GSG1L: variants seen among roughly 807,000 people sequenced by gnomAD.
GSG1L encodes germ cell-specific gene 1-like protein.
Under a neutral mutation model 42.1 loss-of-function variants are expected in GSG1L, and 24 were observed. The ratio of observed to expected loss-of-function variants is 0.57; its 90% CI spans 0.41 to 0.80. The LOEUF is 0.80. Ranked by LOEUF, GSG1L falls within the 30% of genes least tolerant of loss-of-function variation. GSG1L has a pLI of 0.00. For synonymous variants in GSG1L, 215 were observed against 203.5 expected (o/e 1.06, Z -0.48); for missense variants, 445 against 472.2 (o/e 0.94, Z 0.53).
At chr16:27,971,508 C>G (rs958501936) in intron 1 of GSG1L, among the ~76,000 whole-genome samples, 3 of 152,160 alleles carry the variant, frequency 2.0e-5, no homozygotes, top group Non-Finnish European at 4.4e-5. Context: ...AAACTGCAAT[C>G]TTGCTGAACT....
chr16:27,948,918 T>TATTATTATTATTATTATTATTA (rs1567531566), intron 2 of GSG1L, among the ~76,000 whole-genome samples: 1 of 148,798 alleles, frequency 6.7e-6, no homozygotes, highest in Non-Finnish European at 1.5e-5. Context: ...CTATTATTAT[T>TATTATTATTATTATTATTATTA]ATTATTATTA....
intron 3 of GSG1L, among the ~76,000 whole-genome samples, chr16:27,879,290 A>C (rs868469427): frequency 6.6e-6 from 1 of 152,208 alleles, no homozygotes; most frequent in Admixed American, 6.5e-5. Context: ...AGAACTCCTC[A>C]CGGATACTAA....
At chr16:27,867,644 T>A in intron 3 of GSG1L, among the ~76,000 whole-genome samples, 1 of 152,208 alleles carries the variant, frequency 6.6e-6, no homozygotes, top group Non-Finnish European at 1.5e-5. Context: ...TCGGTTTCCC[T>A]GCTGGGTTCC....
At chr16:27,879,821 A>G (rs1010766022) in intron 3 of GSG1L, among the ~76,000 whole-genome samples, 9 of 149,364 alleles carry the variant, frequency 6.0e-5, no homozygotes, top group Admixed American at 6.0e-4. Flanking sequence ...TTTATGTATT[A>G]TTTTTATTGT....
intron 1 of GSG1L, among the ~76,000 whole-genome samples, chr16:28,051,190 G>T (rs186436022): frequency 2.0e-4 from 31 of 152,324 alleles, no homozygotes; most frequent in Admixed American, 1.8e-3. Flanking sequence ...TTTGGTTGGA[G>T]TGGGCATTTT....
chr16:27,944,167 C>G (rs188352308), intron 2 of GSG1L, among the ~76,000 whole-genome samples: 22 of 152,170 alleles, frequency 1.4e-4, no homozygotes, highest in African/African-American at 4.8e-4. Context: ...AAAGTTTTTG[C>G]CTTACAATAA....
chr16:27,829,858 A>C (rs2083256150), intron 4 of GSG1L, among the ~76,000 whole-genome samples: 1 of 152,204 alleles, frequency 6.6e-6, no homozygotes. Flanking sequence ...TATTATCATT[A>C]ATATTAACAT....
rs754488566 is a variant in GSG1L, at chr16:27,971,661, T to TA, written c.350-8459dup. On this transcript the variant is annotated intron_variant, in intron 1 of 6. Coordinates refer to ENST00000447459, the MANE Select transcript of GSG1L (RefSeq NM_001109763.2). ...CTTTTTCTTGCCTAATTGCTTTGGCTAAAATGTCCAATATAATATTAAATA... is the reference window on the plus strand; with the variant it reads ...CTTTTTCTTGCCTAATTGCTTTGGCTAAAAATGTCCAATATAATATTAAATA... Among the ~76,000 whole-genome samples the TA allele has an allele frequency of 2.0e-5, 3 of 152,186 alleles. No individual in the cohort carries two copies. In the South Asian group the frequency reaches 6.2e-4, roughly 32 times the overall value.
intron 2 of GSG1L, among the ~76,000 whole-genome samples, chr16:27,959,331 G>A (rs1296522573): frequency 5.3e-5 from 8 of 151,308 alleles, no homozygotes; most frequent in African/African-American, 1.9e-4. Flanking sequence ...AGCCGGGCAT[G>A]GTGGCGTGCG....
chr16:27,883,386 G>A (rs2083985770), intron 3 of GSG1L, among the ~76,000 whole-genome samples: 1 of 152,148 alleles, frequency 6.6e-6, no homozygotes, highest in African/African-American at 2.4e-5. Flanking sequence ...TGTGTGTTGT[G>A]ACAATTGTTC....
intron 3 of GSG1L, among the ~76,000 whole-genome samples, chr16:27,851,195 CTGTT>C (rs2083510720): frequency 6.6e-6 from 1 of 152,224 alleles, no homozygotes; most frequent in South Asian, 2.1e-4. Context: ...CAAGTTTTGT[CTGTT>C]TGTTTTTTGT....
chr16:27,829,617 G>T (rs994108433), intron 4 of GSG1L, among the ~76,000 whole-genome samples: 2 of 152,170 alleles, frequency 1.3e-5, no homozygotes, highest in Non-Finnish European at 2.9e-5. Context: ...TGCGATCATA[G>T]CTTACTGCAG....
At chr16:27,969,604 TA>T (rs142815366) in intron 1 of GSG1L, among the ~76,000 whole-genome samples, 3,622 of 152,350 alleles carry the variant, frequency 0.024, 59 homozygotes, top group Non-Finnish European at 0.037. Flanking sequence ...TACCACCTTT[TA>T]TTTATCCATT....
At chr16:27,799,776 C>T (rs975746713) in intron 6 of GSG1L, among the ~76,000 whole-genome samples, 31 of 152,030 alleles carry the variant, frequency 2.0e-4, no homozygotes, top group African/African-American at 7.0e-4. Context: ...TTTATGTCTT[C>T]GGAGGATGGA....
intron 2 of GSG1L, among the ~76,000 whole-genome samples, chr16:27,947,904 T>C (rs981915514): frequency 1.7e-4 from 26 of 152,234 alleles, no homozygotes; most frequent in African/African-American, 2.4e-4. Context: ...TCAGACTATT[T>C]TCCTGGAACT....
intron 3 of GSG1L, among the ~76,000 whole-genome samples, chr16:27,874,409 T>C (rs1057149984): frequency 8.1e-5 from 11 of 135,088 alleles, no homozygotes; most frequent in African/African-American, 2.7e-4. Flanking sequence ...AAAATCCCAA[T>C]AAAAACTCTG....
intron 4 of GSG1L, among the ~76,000 whole-genome samples, chr16:27,834,204 A>T (rs2083300041): frequency 6.6e-6 from 1 of 152,012 alleles, no homozygotes; most frequent in South Asian, 2.1e-4. Context: ...TGGTCATGTG[A>T]TTTTTTTATT....
At chr16:27,874,441 C>CTTTTTTTTT (rs71140916) in intron 3 of GSG1L, among the ~76,000 whole-genome samples, 2,106 of 94,178 alleles carry the variant, frequency 0.022, 431 homozygotes, top group Middle Eastern at 0.051. Flanking sequence ...ACAGGAGAGC[C>CTTTTTTTTT]TTTTTTTTTT....
At chr16:28,044,904 C>T (rs551565831) in intron 1 of GSG1L, among the ~76,000 whole-genome samples, 10 of 152,156 alleles carry the variant, frequency 6.6e-5, no homozygotes, top group African/African-American at 1.9e-4. Context: ...GGATTACAGG[C>T]GTGAGCTACC....
Sources: allele counts gnomAD v4.1 joint callset (sites outside exome capture counted in the v4.1 genomes callset), GRCh38; gene constraint gnomAD v4.1.1; transcripts MANE v1.5; gene names NCBI Gene and HGNC (gene_info 2026-07-23, HGNC 2026-07-21).